Variants in TCF3 observed in about 807,000 individuals in gnomAD.
The protein encoded by TCF3 is transcription factor 3.
In TCF3, 54 loss-of-function variants were observed where a neutral mutation model predicts 72.3. The observed-to-expected ratio is 0.75, with a 90% CI of 0.60 to 0.94. The LOEUF is 0.94. Ranked by LOEUF, TCF3 falls within the 40% of genes least tolerant of loss-of-function variation. The pLI is 0.00. For missense variants in TCF3, 1,078 were observed against 934.4 expected (o/e 1.15, Z -2.00); for synonymous variants, 525 against 412.6 (o/e 1.27, Z -3.30).
intron 8 of TCF3, among the ~76,000 whole-genome samples, chr19:1,622,816 T>C (rs1288164107): frequency 6.6e-6 from 1 of 152,166 alleles, no homozygotes; most frequent in Non-Finnish European, 1.5e-5. Flanking sequence ...GTGCTGAGCT[T>C]CCCTTGGTCC....
intron 5 of TCF3, among the ~76,000 whole-genome samples, chr19:1,630,028 G>A (rs1006119299): frequency 4.6e-5 from 7 of 152,276 alleles, no homozygotes; most frequent in South Asian, 2.1e-4. Flanking sequence ...GTGCCTCCCC[G>A]GGACCCCCGC....
Position 1,617,111 on chromosome 19 carries a change from C to G in TCF3, c.1451-1290G>C, listed in dbSNP as rs60317692. Among the ~76,000 whole-genome samples the G allele has an allele frequency of 1.4e-4, 21 of 152,366 alleles. No individual in the cohort carries two copies. In the East Asian group the frequency reaches 3.3e-3, roughly 24 times the overall value. ...GCGCTACCCTTTCATACCCAGTCAG[C>G]TAGCAAAGTTGAGGGACCTGAACAG... On this transcript the variant is annotated intron_variant, in intron 16 of 18. Coordinates refer to ENST00000262965, the MANE Select transcript of TCF3 (RefSeq NM_003200.5).
intron 3 of TCF3, among the ~76,000 whole-genome samples, chr19:1,638,021 G>A (rs1451326554): frequency 1.3e-5 from 2 of 152,242 alleles, no homozygotes; most frequent in African/African-American, 4.8e-5. Flanking sequence ...ACTGTCTTAA[G>A]CCTGTAAGCC....
chr19:1,612,202 C>A (rs2061074861), intron 18 of TCF3: 2 of 1,569,724 alleles, frequency 1.3e-6, no homozygotes, highest in Non-Finnish European at 1.7e-6. Context: ...GGCCGGGGAG[C>A]CTACCTCGCA....
In TCF3 at chr19:1,641,457, A is replaced by T. The variant is rs530171038; in HGVS notation, c.145+4898T>A. ...CACAGCAAGACCCCATCTAGACAAT[A>T]TTTTTTTATTCTTCAGACACGGTCT... is the stretch of plus-strand genomic sequence containing the variant. On this transcript the variant is annotated intron_variant, in intron 3 of 18. Transcript: ENST00000262965. 5.5e-4 allele frequency among the ~76,000 whole-genome samples: 83 copies of T among 151,988 alleles called. 1 individual carries two copies. The South Asian group carries it at 0.013, about 24-fold the overall frequency.
chr19:1,635,582 C>CA (rs2064285063), intron 3 of TCF3, among the ~76,000 whole-genome samples: 1 of 152,062 alleles, frequency 6.6e-6, no homozygotes, highest in East Asian at 1.9e-4. Flanking sequence ...CTGACGCCCC[C>CA]AAAACACCCA....
chr19:1,629,234 G>C (rs1290096817), intron 5 of TCF3, among the ~76,000 whole-genome samples: 1 of 151,968 alleles, frequency 6.6e-6, no homozygotes, highest in Non-Finnish European at 1.5e-5. Flanking sequence ...GGGGTGCTGG[G>C]GTCAGAGGCA....
In TCF3 at chr19:1,615,182, G is replaced by A; in HGVS notation, c.1822+103C>T. 1.4e-6 allele frequency: 2 copies of A among 1,389,906 alleles called. No homozygotes were observed. The highest frequency in any genetic ancestry group is 1.9e-6 in the Non-Finnish European group (2 of 1,043,492). 86.1% of individuals were successfully genotyped at this position (1,389,906 alleles called of 1,614,324 possible). A position where few individuals can be genotyped will look rare whatever the true frequency, so the allele number is the denominator to read the frequency against. On this transcript the variant is annotated intron_variant, in intron 18 of 18. Transcript: ENST00000262965. This position sits in a 1 kb window ranked among gnomAD's most constrained non-coding sequence, Gnocchi z 7.3. ...ACTGCAAGGAGGCAACTGCTGCAGAGGGAGGGCTGGCTCCAGGAAGGCGGG... is the reference window on the plus strand; with the variant it reads ...ACTGCAAGGAGGCAACTGCTGCAGAAGGAGGGCTGGCTCCAGGAAGGCGGG...
At chr19:1,633,378 G>A (rs779564118) in intron 3 of TCF3, among the ~76,000 whole-genome samples, 3 of 152,082 alleles carry the variant, frequency 2.0e-5, no homozygotes, top group African/African-American at 4.8e-5. Flanking sequence ...GAGGCTTCCC[G>A]AGAGCCAGGC....
chr19:1,613,971 G>C (rs2061297286), intron 18 of TCF3, among the ~76,000 whole-genome samples: 1 of 152,286 alleles, frequency 6.6e-6, no homozygotes, highest in Non-Finnish European at 1.5e-5. Flanking sequence ...AGCGGGCACT[G>C]TTGCTGCTGC....
At chr19:1,649,410 C>T (rs1375565878) in intron 2 of TCF3, among the ~76,000 whole-genome samples, 3 of 147,172 alleles carry the variant, frequency 2.0e-5, no homozygotes, top group Non-Finnish European at 4.6e-5. Context: ...CACTGGGCAC[C>T]CCCTCCTTTA....
chr19:1,627,379 C>G lies in TCF3; in HGVS notation c.346G>C (p.Gly116Arg). The change falls in exon 6 of 19, where the codon GGC (glycine) becomes CGC (arginine). Residue 116 changes from glycine to arginine, a missense_variant. Coordinates refer to ENST00000262965, the MANE Select transcript of TCF3 (RefSeq NM_003200.5). ...CTCACCTGAGTCAGGCCGCCCACGC[C>G]TGCGTCTCTCCCGAAGGAGGCATAG... ...GAYASFGRDA[G>R]VGGLTQAGFL... is the part of the protein sequence containing the mutation. 6.2e-7 allele frequency: 1 copy of G among 1,611,420 alleles called. No homozygotes were observed. Among genetic ancestry groups the G allele is most frequent in the East Asian group, 2.2e-5 (1 of 44,886 alleles).
At chr19:1,645,514 T>A (rs2065953980) in intron 3 of TCF3, among the ~76,000 whole-genome samples, 1 of 151,112 alleles carries the variant, frequency 6.6e-6, no homozygotes. Context: ...AGGGCGTCCG[T>A]ACGGGCTGCT....
intron 18 of TCF3, among the ~76,000 whole-genome samples, chr19:1,613,931 C>T (rs1046866958): frequency 6.6e-6 from 1 of 152,260 alleles, no homozygotes; most frequent in Non-Finnish European, 1.5e-5. Flanking sequence ...GGCTGAGCCC[C>T]CTCTCCAGCC....
intron 3 of TCF3, among the ~76,000 whole-genome samples, chr19:1,639,248 G>A (rs553409753): frequency 6.6e-6 from 1 of 152,126 alleles, no homozygotes; most frequent in Non-Finnish European, 1.5e-5. Flanking sequence ...TTCGCCCTGT[G>A]GGCCAGGCTG....
At chr19:1,644,154 G>A (rs183713993) in intron 3 of TCF3, among the ~76,000 whole-genome samples, 1 of 152,360 alleles carries the variant, frequency 6.6e-6, no homozygotes. Context: ...GCAGCTCCTG[G>A]GCCCTGCCGG....
At chr19:1,620,929 C>A (rs2146074470) in intron 13 of TCF3, 39 bp downstream of exon 13, 1 of 1,442,496 alleles carries the variant, frequency 6.9e-7, no homozygotes, top group Non-Finnish European at 9.1e-7. Context: ...CAAACCCTCA[C>A]AGACCTCAGC....
intron 3 of TCF3, among the ~76,000 whole-genome samples, chr19:1,635,135 G>C (rs993558584): frequency 9.2e-5 from 14 of 152,162 alleles, no homozygotes; most frequent in African/African-American, 3.1e-4. Context: ...CAAACCCTCA[G>C]GCACACCACC....
chr19:1,650,912 C>T (rs2066924016), intron 1 of TCF3: 2 of 231,130 alleles, frequency 8.7e-6, no homozygotes, highest in African/African-American at 2.2e-5. Flanking sequence ...GCAAAGCTTT[C>T]CTCCACCCTC....
Sources: gnomAD v4.1 joint callset for allele counts (sites outside exome capture counted in the v4.1 genomes callset) on GRCh38, gnomAD v4.1.1 for gene constraint, Gnocchi (gnomAD v3.1) non-coding constraint, MANE v1.5 for transcripts, NCBI Gene and HGNC (gene_info 2026-07-23, HGNC 2026-07-21) for gene names.